PLOD2: variants seen among roughly 807,000 people sequenced by gnomAD.
PLOD2 encodes lysine hydroxylase 2.
PLOD2 carries 65 observed loss-of-function variants against 101.0 expected under a neutral mutation model. That is an observed-to-expected ratio of 0.64 (90% CI 0.53 to 0.79). PLOD2 has a LOEUF of 0.79. Among genes scored for constraint, PLOD2 ranks in the 30% least tolerant of loss-of-function variants. The pLI, the probability that PLOD2 is intolerant of heterozygous loss-of-function variation, is 0.00. For synonymous variants in PLOD2, 314 were observed against 302.9 expected (o/e 1.04, Z -0.38); for missense variants, 909 against 914.6 (o/e 0.99, Z 0.08).
intron 4 of PLOD2, among the ~76,000 whole-genome samples, chr3:146,108,375 G>T (rs1937572664): frequency 6.6e-6 from 1 of 151,950 alleles, no homozygotes; most frequent in Non-Finnish European, 1.5e-5. Flanking sequence ...GTAGAAATGG[G>T]ATTTCCCTAC....
At chr3:146,115,726 A>G (rs1432269870) in intron 3 of PLOD2, among the ~76,000 whole-genome samples, 1 of 152,172 alleles carries the variant, frequency 6.6e-6, no homozygotes, top group Non-Finnish European at 1.5e-5. Flanking sequence ...GACTGTATCA[A>G]TGGTTCTCAA....
chr3:146,090,407 C>G (rs1936934971), intron 8 of PLOD2, among the ~76,000 whole-genome samples: 1 of 151,498 alleles, frequency 6.6e-6, no homozygotes. Context: ...ATTACATACT[C>G]CTACATGCAA....
chr3:146,072,499 T>A, intron 17 of PLOD2, 62 bp downstream of exon 17: 1 of 1,011,770 alleles, frequency 9.9e-7, no homozygotes, highest in Non-Finnish European at 1.6e-6. Flanking sequence ...CCCTCCGAAT[T>A]CTCTGAGTAT....
intron 3 of PLOD2, among the ~76,000 whole-genome samples, chr3:146,113,437 G>T (rs1937742656): frequency 6.6e-6 from 1 of 152,198 alleles, no homozygotes; most frequent in Admixed American, 6.5e-5. Flanking sequence ...GTTGCGGGAA[G>T]TCAGGGACCC....
intron 7 of PLOD2, among the ~76,000 whole-genome samples, chr3:146,099,791 A>G (rs763399962): frequency 7.0e-4 from 107 of 152,082 alleles, no homozygotes; most frequent in Non-Finnish European, 1.3e-3. Flanking sequence ...TGGCACTGAC[A>G]GTATCACAGA....
At position 146,098,676 on chromosome 3, in the gene PLOD2, C is replaced by T. The variant is rs564542010; in HGVS notation, c.777+4079G>A. On this transcript the variant is annotated intron_variant, in intron 7 of 19. Coordinates refer to ENST00000282903, the MANE Select transcript of PLOD2 (RefSeq NM_182943.3). ...GTAGGAAATAAGCTCATTTTTTATA[C>T]TTTAGTATCATCAACATACTATAAT... 8.5e-5 allele frequency among the ~76,000 whole-genome samples: 13 copies of T among 152,128 alleles called. No individual in the cohort carries two copies. The East Asian group carries it at 2.1e-3, about 25-fold the overall frequency.
intron 6 of PLOD2, among the ~76,000 whole-genome samples, chr3:146,103,583 G>T (rs1198190426): frequency 6.6e-6 from 1 of 151,642 alleles, no homozygotes; most frequent in Non-Finnish European, 1.5e-5. Flanking sequence ...CTCTCATATA[G>T]CTGGGACTAT....
intron 2 of PLOD2, among the ~76,000 whole-genome samples, chr3:146,122,318 T>C (rs1418496976): frequency 6.6e-6 from 1 of 152,164 alleles, no homozygotes; most frequent in Admixed American, 6.5e-5. Context: ...GCTCTAAAAA[T>C]TGGCCTCCTC....
intron 15 of PLOD2, chr3:146,075,954 G>C (rs1325234690): frequency 6.6e-6 from 1 of 151,408 alleles, no homozygotes; most frequent in Non-Finnish European, 1.5e-5. Flanking sequence ...AACAATTTCA[G>C]CTTTTGGATT....
intron 3 of PLOD2, among the ~76,000 whole-genome samples, chr3:146,115,338 C>T (rs982004324): frequency 6.6e-6 from 1 of 152,122 alleles, no homozygotes; most frequent in Admixed American, 6.5e-5. Flanking sequence ...CTGATGTGGT[C>T]ATACTGAGTC....
At chr3:146,085,447 G>A in intron 10 of PLOD2, 174 bp from the exon 11 acceptor site, 1 of 588,980 alleles carries the variant, frequency 1.7e-6, no homozygotes, top group Non-Finnish European at 3.0e-6. Context: ...ATTTCAAAAT[G>A]GTCAATTTAA....
rs564889128 is a variant in PLOD2 at position 146,100,567 on chromosome 3, AG to A, written c.777+2187del. Among the ~76,000 whole-genome samples, 1,111 of 152,330 alleles carry A rather than the reference AG, an allele frequency of 7.3e-3. 7 individuals carry two copies. Among genetic ancestry groups the A allele is most frequent in the Non-Finnish European group, 0.011 (743 of 68,036 alleles). ...GGTAGAGATGCAGCAGGTGGGAATTAGGGGGAGAGGATTCCAGGATATATAA... is the reference window on the plus strand; with the variant it reads ...GGTAGAGATGCAGCAGGTGGGAATTAGGGGAGAGGATTCCAGGATATATAA... On this transcript the variant is annotated intron_variant, in intron 7 of 19. Transcript: ENST00000282903.
At chr3:146,079,383 C>A in intron 12 of PLOD2, 126 bp from the exon 13 acceptor site, 1 of 688,678 alleles carries the variant, frequency 1.5e-6, no homozygotes, top group Non-Finnish European at 2.5e-6. Flanking sequence ...AATCAACATA[C>A]AAATATATTC....
At chr3:146,126,986 A>C (rs894327749) in intron 1 of PLOD2, among the ~76,000 whole-genome samples, 1 of 152,116 alleles carries the variant, frequency 6.6e-6, no homozygotes, top group Admixed American at 6.5e-5. Flanking sequence ...TGTTATGTTT[A>C]AAAATCCCTA....
intron 9 of PLOD2, 39 bp from the exon 10 acceptor site, chr3:146,086,947 ACAAT>A (rs1293873411): frequency 7.9e-7 from 1 of 1,269,338 alleles, no homozygotes; most frequent in Non-Finnish European, 1.1e-6. Context: ...AGAGAATAAG[ACAAT>A]CAGATGACTG....
Position 146,160,371 on chromosome 3 carries a change from T to A in PLOD2, c.109+510A>T, listed in dbSNP as rs141161207. Among the ~76,000 whole-genome samples, 226 of 152,332 alleles carry A rather than the reference T, an allele frequency of 1.5e-3. 2 individuals are homozygous for A. Among genetic ancestry groups the A allele is most frequent in the South Asian group, 7.9e-3 (38 of 4,832 alleles). On this transcript the variant is annotated intron_variant, in intron 1 of 19. Transcript: ENST00000282903. ...GTACTGGGTAGCCAGGCAGCCTTACTGAAAACAACTAAGGTTTTCGAGCGA... is the reference window on the plus strand; with the variant it reads ...GTACTGGGTAGCCAGGCAGCCTTACAGAAAACAACTAAGGTTTTCGAGCGA...
At chr3:146,119,400 T>A (rs571415192) in intron 3 of PLOD2, among the ~76,000 whole-genome samples, 1 of 152,158 alleles carries the variant, frequency 6.6e-6, no homozygotes, top group Non-Finnish European at 1.5e-5. Flanking sequence ...GCACAAGAAC[T>A]GATTAATACA....
At chr3:146,153,631 G>A (rs1017233460) in intron 1 of PLOD2, among the ~76,000 whole-genome samples, 2 of 152,144 alleles carry the variant, frequency 1.3e-5, no homozygotes, top group Non-Finnish European at 2.9e-5. Context: ...CAAAGCCAAG[G>A]TTGCCAAAAT....
chr3:146,149,341 A>C (rs1166811812), intron 1 of PLOD2, among the ~76,000 whole-genome samples: 1 of 152,202 alleles, frequency 6.6e-6, no homozygotes, highest in Non-Finnish European at 1.5e-5. Context: ...AAAGAATTTA[A>C]ATCTGGTTAT....
Sources: allele counts gnomAD v4.1 joint callset (sites outside exome capture counted in the v4.1 genomes callset), GRCh38; gene constraint gnomAD v4.1.1; transcripts MANE v1.5; gene names NCBI Gene and HGNC (gene_info 2026-07-23, HGNC 2026-07-21).